ROBO1: variants seen among roughly 807,000 people sequenced by gnomAD.
ROBO1 encodes roundabout guidance receptor 1.
ROBO1 carries 149 observed loss-of-function variants against 195.9 expected under a neutral mutation model. The observed-to-expected ratio is 0.76, with a 90% CI of 0.67 to 0.87. ROBO1 has a LOEUF of 0.87. Ranked by LOEUF, ROBO1 falls within the 40% of genes least tolerant of loss-of-function variation. The pLI, the probability that ROBO1 is intolerant of heterozygous loss-of-function variation, is 0.00. For missense variants in ROBO1, 1,933 were observed against 2,068.3 expected (o/e 0.93, Z 1.27); for synonymous variants, 816 against 733.2 (o/e 1.11, Z -1.82).
At chr3:79,670,777 T>C (rs939458131) in intron 1 of ROBO1, among the ~76,000 whole-genome samples, 2 of 151,712 alleles carry the variant, frequency 1.3e-5, no homozygotes, top group African/African-American at 4.8e-5. Context: ...GCCAAATAAG[T>C]GTAAAGAAGA....
chr3:79,191,381 A>G (rs1040512817), intron 2 of ROBO1, among the ~76,000 whole-genome samples: 3 of 151,456 alleles, frequency 2.0e-5, no homozygotes, highest in African/African-American at 7.3e-5. Flanking sequence ...AGATCAGACA[A>G]TACATACAAG....
intron 2 of ROBO1, among the ~76,000 whole-genome samples, chr3:79,214,631 T>C (rs2082021938): frequency 6.6e-6 from 1 of 151,678 alleles, no homozygotes; most frequent in Non-Finnish European, 1.5e-5. Flanking sequence ...CAAAAACACT[T>C]AGGAGGTGGT....
intron 2 of ROBO1, among the ~76,000 whole-genome samples, chr3:79,274,278 A>T (rs1369183727): frequency 1.3e-5 from 2 of 151,724 alleles, no homozygotes; most frequent in African/African-American, 4.8e-5. Context: ...ATTTTTTTTT[A>T]AATTGAAGCT....
chr3:78,682,146 A>T (rs537489148), intron 10 of ROBO1, among the ~76,000 whole-genome samples: 128 of 152,190 alleles, frequency 8.4e-4, no homozygotes, highest in Non-Finnish European at 1.6e-3. Flanking sequence ...AAAATATTAA[A>T]TTTTTCCCCC....
At chr3:79,301,197 G>T (rs920759158) in intron 2 of ROBO1, among the ~76,000 whole-genome samples, 1 of 152,098 alleles carries the variant, frequency 6.6e-6, no homozygotes, top group South Asian at 2.1e-4. Context: ...GAGCCAGCGA[G>T]ACCACGAACC....
intron 3 of ROBO1, among the ~76,000 whole-genome samples, chr3:78,946,087 GA>G (rs2040425359): frequency 6.6e-6 from 1 of 152,132 alleles, no homozygotes; most frequent in Non-Finnish European, 1.5e-5. Context: ...AACCAAGTTG[GA>G]AAACACTCTG....
chr3:79,504,545 C>T (rs1179505569), intron 2 of ROBO1, among the ~76,000 whole-genome samples: 3 of 152,060 alleles, frequency 2.0e-5, no homozygotes, highest in African/African-American at 7.2e-5. Context: ...TACATGATGT[C>T]CGCATTTTCC....
At chr3:79,163,785 G>C (rs1459209087) in intron 2 of ROBO1, among the ~76,000 whole-genome samples, 4 of 151,980 alleles carry the variant, frequency 2.6e-5, no homozygotes, top group Non-Finnish European at 5.9e-5. Context: ...CAAAGAAAAG[G>C]ATCCTATTTA....
intron 2 of ROBO1, among the ~76,000 whole-genome samples, chr3:79,176,370 T>C (rs1559714443): frequency 6.6e-6 from 1 of 152,212 alleles, no homozygotes; most frequent in African/African-American, 2.4e-5. Context: ...TAGTGTATCA[T>C]ATTTTGTCAT....
chr3:79,146,729 G>T (rs2080660985), intron 2 of ROBO1, among the ~76,000 whole-genome samples: 1 of 151,910 alleles, frequency 6.6e-6, no homozygotes, highest in African/African-American at 2.4e-5. Flanking sequence ...TAAAGACAGT[G>T]TTGAAAGAAA....
At chr3:78,857,902 G>C (rs1004291961) in intron 4 of ROBO1, among the ~76,000 whole-genome samples, 6 of 152,176 alleles carry the variant, frequency 3.9e-5, no homozygotes, top group Non-Finnish European at 8.8e-5. Flanking sequence ...ACTTTCAGTA[G>C]AGAGAGTGTA....
intron 1 of ROBO1, among the ~76,000 whole-genome samples, chr3:79,684,268 TA>T (rs1437761287): frequency 1.3e-5 from 2 of 152,192 alleles, no homozygotes; most frequent in African/African-American, 4.8e-5. Flanking sequence ...AAATATCTAT[TA>T]AAACCCTTTG....
At position 78,856,645 on chromosome 3, in the gene ROBO1, TAATAAAAATA is replaced by T. The variant is rs1178986835; in HGVS notation, c.499+81946_499+81955del. 1.3e-4 allele frequency among the ~76,000 whole-genome samples: 20 copies of T among 151,130 alleles called. No homozygotes were observed. In the South Asian group the frequency reaches 3.7e-3, roughly 28 times the overall value. ...GTCCAACTTAATAAAAATAAGAAAA[TAATAAAAATA>T]AATAAAAATAAAAATAAAAATTACC... On this transcript the variant is annotated intron_variant, in intron 4 of 30. Coordinates refer to ENST00000464233, the MANE Select transcript of ROBO1 (RefSeq NM_002941.4).
At chr3:79,253,860 T>G (rs1224831399) in intron 2 of ROBO1, among the ~76,000 whole-genome samples, 1 of 152,160 alleles carries the variant, frequency 6.6e-6, no homozygotes, top group Non-Finnish European at 1.5e-5. Flanking sequence ...ACATATGGAT[T>G]TTTTCAAGTG....
At chr3:79,495,245 C>T (rs1008893579) in intron 2 of ROBO1, among the ~76,000 whole-genome samples, 6 of 152,060 alleles carry the variant, frequency 3.9e-5, no homozygotes, top group African/African-American at 1.4e-4. Context: ...GCAATTCTTA[C>T]CTATCAGAAT....
intron 2 of ROBO1, among the ~76,000 whole-genome samples, chr3:79,528,451 A>G (rs1457252912): frequency 6.6e-6 from 1 of 152,168 alleles, no homozygotes; most frequent in Non-Finnish European, 1.5e-5. Flanking sequence ...ATTTTTCACT[A>G]TTTGAAATAC....
chr3:78,798,985 T>C (rs2084270732), intron 4 of ROBO1, among the ~76,000 whole-genome samples: 1 of 152,118 alleles, frequency 6.6e-6, no homozygotes, highest in Non-Finnish European at 1.5e-5. Context: ...GAAAGAAACA[T>C]GTTATATTTG....
At chr3:78,620,928 T>G (rs964118609) in intron 26 of ROBO1, among the ~76,000 whole-genome samples, 2 of 145,884 alleles carry the variant, frequency 1.4e-5, no homozygotes, top group East Asian at 2.0e-4. Flanking sequence ...CTAGGAGAGA[T>G]ATGTGCCATA....
intron 2 of ROBO1, among the ~76,000 whole-genome samples, chr3:79,170,967 G>C (rs1017586750): frequency 5.3e-5 from 8 of 151,908 alleles, no homozygotes; most frequent in African/African-American, 1.9e-4. Context: ...GCCATGTGCT[G>C]GATTCAGATG....
Sources: gnomAD v4.1 joint callset for allele counts (sites outside exome capture counted in the v4.1 genomes callset) on GRCh38, gnomAD v4.1.1 for gene constraint, MANE v1.5 for transcripts, NCBI Gene and HGNC (gene_info 2026-07-23, HGNC 2026-07-21) for gene names.